DOCK4: variants seen among roughly 807,000 people sequenced by gnomAD.
DOCK4 encodes dedicator of cytokinesis 4.
DOCK4 carries 97 observed loss-of-function variants against 268.1 expected under a neutral mutation model. That is an observed-to-expected ratio of 0.36 (90% CI 0.31 to 0.43). The LOEUF is 0.43. Ranked by LOEUF, DOCK4 falls within the 20% of genes least tolerant of loss-of-function variation. The probability of loss-of-function intolerance (pLI) is 1.00; values close to 1 mark genes in which losing one functional copy is unlikely to be tolerated. For missense variants in DOCK4, 2,145 were observed against 2,455.7 expected, an observed-to-expected ratio of 0.87 and a Z score of 2.67; for synonymous variants, 954 against 887.2, an observed-to-expected ratio of 1.08 and a Z score of -1.34.
chr7:111,767,231 T>C, intron 37 of DOCK4, 113 bp from the exon 38 acceptor site: 3 of 679,832 alleles, frequency 4.4e-6, no homozygotes, highest in South Asian at 4.6e-5. Context: ...CTTAATCTTT[T>C]TTTTTTTTTT....
chr7:111,969,030 A>G (rs1797470243), intron 8 of DOCK4, among the ~76,000 whole-genome samples: 1 of 97,466 alleles, frequency 1.0e-5, no homozygotes, highest in African/African-American at 4.6e-5. Flanking sequence ...TGGACACAGG[A>G]AGGGGAATAT....
intron 1 of DOCK4, among the ~76,000 whole-genome samples, chr7:112,113,734 A>AT (rs57672966): frequency 8.1e-5 from 4 of 49,548 alleles, no homozygotes; most frequent in Non-Finnish European, 7.4e-5. Flanking sequence ...TACTTGGCTG[A>AT]TTTTTTTTTT....
chr7:111,889,616 AC>A (rs1274395689), intron 16 of DOCK4, among the ~76,000 whole-genome samples: 8 of 152,164 alleles, frequency 5.3e-5, no homozygotes, highest in Non-Finnish European at 1.2e-4. Flanking sequence ...ACTACTATGG[AC>A]CAAGTTAGGG....
At chr7:112,107,561 G>A (rs546514333) in intron 1 of DOCK4, among the ~76,000 whole-genome samples, 68 of 152,322 alleles carry the variant, frequency 4.5e-4, no homozygotes, top group African/African-American at 1.5e-3. Flanking sequence ...AAGCCACCCA[G>A]TCTGTGGTAT....
At position 111,747,374 on chromosome 7, in the gene DOCK4, T is replaced by C; in HGVS notation, c.4486A>G (p.Ile1496Val). Residue 1496 changes from isoleucine (I) to valine (V), a missense_variant, in exon 43 of 53, where the codon ATT becomes GTT. By Grantham distance (29) the Ile-to-Val change is conservative. Transcript: ENST00000428084. ...ATCTGTCTTGTCTGACACTGACTAA[T>C]CAGAGTCTTCAGCTGCTGATTCTTA... ...ENKNQQLKTLISQCQTRQMQN... is the reference protein window; with the variant it reads ...ENKNQQLKTLVSQCQTRQMQN... The C allele has an allele frequency of 1.2e-6, 2 of 1,613,172 alleles. No homozygotes were observed. Among genetic ancestry groups the C allele is most frequent in the Non-Finnish European group, 1.7e-6 (2 of 1,179,604 alleles).
chr7:111,739,248 G>C lies in DOCK4; in HGVS notation c.5123-5C>G. The C allele has an allele frequency of 6.2e-7, 1 of 1,612,544 alleles. No homozygotes were observed. The highest frequency in any genetic ancestry group is 8.5e-7 in the Non-Finnish European group (1 of 1,178,514). On this transcript the variant is annotated splice_region_variant and splice_polypyrimidine_tract_variant and intron_variant, in intron 48 of 52. Transcript: ENST00000428084. ...TGTCAGACAACAAAGGAGAAGCTGG[G>C]AAGAGAAGGAGAGAGAGGATCATCA...
chr7:111,977,095 A>C lies in DOCK4; in HGVS notation c.701+37T>G, dbSNP rs1255455541. 3.1e-6 allele frequency: 5 copies of C among 1,609,044 alleles called. No homozygotes were observed. In the African/African-American group the frequency reaches 6.7e-5, roughly 22 times the overall value. On this transcript the variant is annotated intron_variant, in intron 8 of 52. Transcript: ENST00000428084. ...AATCACAAATATCCACCATTCTAAC[A>C]TTAAGACATTGAAACCCTATCTCCA...
intron 22 of DOCK4, among the ~76,000 whole-genome samples, chr7:111,864,909 T>C (rs931403454): frequency 2.0e-5 from 3 of 152,188 alleles, no homozygotes; most frequent in African/African-American, 7.2e-5. Context: ...TTTATATGTC[T>C]TGACTTCAAA....
chr7:111,888,187 T>C (rs1808006874), intron 16 of DOCK4, among the ~76,000 whole-genome samples: 1 of 150,854 alleles, frequency 6.6e-6, no homozygotes, highest in Non-Finnish European at 1.5e-5. Context: ...AGCAACTGTA[T>C]AATTTCTTCT....
At chr7:112,145,028 A>G (rs1225101611) in intron 1 of DOCK4, among the ~76,000 whole-genome samples, 2 of 152,172 alleles carry the variant, frequency 1.3e-5, no homozygotes, top group African/African-American at 4.8e-5. Context: ...TGCTTCTGTA[A>G]GAGCACTCCC....
intron 1 of DOCK4, among the ~76,000 whole-genome samples, chr7:112,048,570 CA>C (rs145384674): frequency 2.8e-5 from 4 of 144,014 alleles, no homozygotes; most frequent in African/African-American, 1.0e-4. Context: ...CTCAAAAAAA[CA>C]AAAAAAAACA....
intron 12 of DOCK4, among the ~76,000 whole-genome samples, chr7:111,917,486 G>A (rs1792707123): frequency 6.6e-6 from 1 of 151,912 alleles, no homozygotes; most frequent in African/African-American, 2.4e-5. Context: ...GGTCGAGGCA[G>A]GCGGATCATG....
chr7:111,760,084 G>A (rs762156665), intron 40 of DOCK4, 97 bp downstream of exon 40: 3 of 1,491,280 alleles, frequency 2.0e-6, no homozygotes, highest in Middle Eastern at 4.3e-4. Flanking sequence ...TGTGGCTATT[G>A]AAAAGGGACT....
intron 1 of DOCK4, among the ~76,000 whole-genome samples, chr7:112,094,343 A>C (rs377213071): frequency 6.6e-6 from 1 of 152,212 alleles, no homozygotes; most frequent in African/African-American, 2.4e-5. Flanking sequence ...GCTGTATTTC[A>C]GCAAGCCCAT....
chr7:112,001,021 A>G (rs796605668), intron 2 of DOCK4, among the ~76,000 whole-genome samples: 5 of 152,322 alleles, frequency 3.3e-5, no homozygotes, highest in African/African-American at 1.2e-4. Flanking sequence ...CCTGGCCAAC[A>G]GTCATGACGT....
At chr7:112,119,219 T>A (rs1219727752) in intron 1 of DOCK4, among the ~76,000 whole-genome samples, 1 of 152,078 alleles carries the variant, frequency 6.6e-6, no homozygotes, top group Non-Finnish European at 1.5e-5. Context: ...GACAGAGAAC[T>A]GAATAAATGG....
At chr7:111,944,645 T>C (rs749484925) in intron 10 of DOCK4, among the ~76,000 whole-genome samples, 166 bp downstream of exon 10, 4 of 151,982 alleles carry the variant, frequency 2.6e-5, no homozygotes, top group Non-Finnish European at 5.9e-5. Flanking sequence ...ATATGTGGGG[T>C]TGGGAAGGTC....
At chr7:112,094,857 C>A (rs1809964457) in intron 1 of DOCK4, among the ~76,000 whole-genome samples, 1 of 152,126 alleles carries the variant, frequency 6.6e-6, no homozygotes, top group African/African-American at 2.4e-5. Context: ...TGACCCCTTG[C>A]TCCTGCTTTC....
intron 32 of DOCK4, among the ~76,000 whole-genome samples, chr7:111,784,903 A>G (rs1799059824): frequency 1.3e-5 from 2 of 152,220 alleles, no homozygotes; most frequent in South Asian, 2.1e-4. Context: ...AGTTTCAGGA[A>G]TAAGAGAGAA....
Sources: allele counts gnomAD v4.1 joint callset (sites outside exome capture counted in the v4.1 genomes callset), GRCh38; gene constraint gnomAD v4.1.1; transcripts MANE v1.5; gene names NCBI Gene and HGNC (gene_info 2026-07-23, HGNC 2026-07-21).